Variants in LAMC3 observed in about 807,000 individuals in gnomAD.
LAMC3 encodes the protein laminin subunit gamma 3.
A neutral mutation model predicts 173.8 loss-of-function variants in LAMC3; 128 were observed. The observed-to-expected ratio is 0.74, with a 90% CI of 0.64 to 0.85. The LOEUF (loss-of-function observed/expected upper bound fraction) is 0.85, where lower values mean the gene tolerates loss of function less well. Among genes scored for constraint, LAMC3 ranks in the 40% least tolerant of loss-of-function variants. The probability of loss-of-function intolerance (pLI) is 0.00; values close to 1 mark genes in which losing one functional copy is unlikely to be tolerated. For missense variants in LAMC3, 2,022 were observed against 2,156.0 expected (o/e 0.94, Z 1.23); for synonymous variants, 897 against 909.1 (o/e 0.99, Z 0.24).
intron 1 of LAMC3, among the ~76,000 whole-genome samples, chr9:131,017,071 G>A (rs1833533777): frequency 6.6e-6 from 1 of 152,196 alleles, no homozygotes; most frequent in African/African-American, 2.4e-5. Context: ...GTCCGGATCT[G>A]GGGGCGGCCT....
chr9:131,032,590 T>TGC (rs797015714), intron 3 of LAMC3, among the ~76,000 whole-genome samples: 36 of 77,498 alleles, frequency 4.6e-4, no homozygotes, highest in East Asian at 1.3e-3. Flanking sequence ...CTTGCTCTCT[T>TGC]TCTCACTCGC....
rs80273722 is a variant in LAMC3 at position 131,073,098 on chromosome 9, G to A, written c.3418-147G>A. 6,352 of 738,652 alleles carry A rather than the reference G, an allele frequency of 8.6e-3. 209 individuals carry two copies. Among genetic ancestry groups the A allele is most frequent in the East Asian group, 0.086 (3,255 of 38,038 alleles). 45.8% of individuals were successfully genotyped at this position (738,652 alleles called of 1,614,324 possible). On this transcript the variant is annotated intron_variant, in intron 19 of 27. Coordinates refer to ENST00000361069, the MANE Select transcript of LAMC3 (RefSeq NM_006059.4). ...TGGTGTTTCTGCATCCTAGGACTCC[G>A]CTCACTGAATGCCGATGTTGTGGCC... is the stretch of plus-strand genomic sequence containing the variant.
At chr9:131,084,660 G>A (rs999389895) in intron 24 of LAMC3, among the ~76,000 whole-genome samples, 11 of 152,084 alleles carry the variant, frequency 7.2e-5, no homozygotes, top group Non-Finnish European at 1.5e-4. Context: ...ACTTTGGGAA[G>A]CCAAGGTGGG....
chr9:131,033,032 T>C (rs974041522), intron 3 of LAMC3, among the ~76,000 whole-genome samples: 1 of 151,232 alleles, frequency 6.6e-6, no homozygotes, highest in East Asian at 1.9e-4. Context: ...GTGGTCCTGG[T>C]CCTGGTCCTG....
chr9:131,060,838 A>G (rs1368607014), intron 12 of LAMC3, among the ~76,000 whole-genome samples, 197 bp from the exon 13 acceptor site: 2 of 152,136 alleles, frequency 1.3e-5, no homozygotes, highest in African/African-American at 4.8e-5. Context: ...AGCTTTGCAC[A>G]GGCAGTAAGT....
In LAMC3 at chr9:131,056,992, C is replaced by A. The variant is rs781470104; in HGVS notation, c.2003C>A (p.Ser668Tyr). Residue 668 changes from serine (S) to tyrosine (Y), a missense_variant, in exon 12 of 28, where the codon TCC becomes TAC. Transcript: ENST00000361069. Reference sequence around the variant, plus strand: ...CGGCCAGGGCTTTCCCCGCCAGCCTCCTGGGTGGAGATTTGTTCATGTCCC... The same window carrying A: ...CGGCCAGGGCTTTCCCCGCCAGCCTACTGGGTGGAGATTTGTTCATGTCCC... The part of the protein sequence containing the change: ...SARPGLSPPA[S>Y]WVEICSCPTG... 5.6e-5 allele frequency: 90 copies of A among 1,613,994 alleles called. No individual in the cohort carries two copies. The highest frequency in any genetic ancestry group is 6.9e-5 in the Non-Finnish European group (82 of 1,180,034).
chr9:131,087,188 T>G (rs1830346212), intron 25 of LAMC3, among the ~76,000 whole-genome samples: 1 of 152,256 alleles, frequency 6.6e-6, no homozygotes, highest in South Asian at 2.1e-4. Flanking sequence ...GGGCTTGATC[T>G]CTTGTCATGC....
At chr9:131,035,563 G>A (rs1833927994) in intron 3 of LAMC3, among the ~76,000 whole-genome samples, 1 of 152,180 alleles carries the variant, frequency 6.6e-6, no homozygotes. Context: ...GCTCCCACCA[G>A]GCCCCACCTC....
chr9:131,087,641 C>G lies in LAMC3; in HGVS notation c.4377+19C>G. ...TGAGCGGGTACGTTTGCCAGGGCCC[C>G]TACCCTATCGCCTCCTGCCCCTGGC... On this transcript the variant is annotated intron_variant, in intron 26 of 27. Coordinates refer to ENST00000361069, the MANE Select transcript of LAMC3 (RefSeq NM_006059.4). 6.2e-7 allele frequency: 1 copy of G among 1,613,800 alleles called. No homozygotes were observed.
rs774738544 is a variant in LAMC3, at chr9:131,077,324, C to G, written c.3767C>G (p.Pro1256Arg). 2.5e-6 allele frequency: 4 copies of G among 1,613,684 alleles called. No homozygotes were observed. The highest frequency in any genetic ancestry group is 3.4e-6 in the Non-Finnish European group (4 of 1,180,030). ...TAPYLALLAS[P>R]GALPQKSRAE... ...CCGTACCTGGCCTTGCTGGCTTCCC[C>G]GGGAGCTCTGGTCAGCTCAGTTGTC... The change falls in exon 22 of 28, where the codon CCG (proline) becomes CGG (arginine). Residue 1256 changes from proline (P) to arginine (R), a missense_variant. Transcript: ENST00000361069.
At chr9:131,067,583 C>A (rs1476261943) in intron 14 of LAMC3, among the ~76,000 whole-genome samples, 1 of 152,110 alleles carries the variant, frequency 6.6e-6, no homozygotes, top group Non-Finnish European at 1.5e-5. Flanking sequence ...CTCCCAGAGC[C>A]CTGCAGGAGG....
At chr9:131,080,601 A>G (rs997008117) in intron 23 of LAMC3, among the ~76,000 whole-genome samples, 6 of 152,098 alleles carry the variant, frequency 3.9e-5, no homozygotes, top group African/African-American at 1.4e-4. Context: ...TTTTAAAGAC[A>G]GGATAAGGGG....
Position 131,052,597 on chromosome 9 carries a change from G to A in LAMC3, c.1737G>A (p.Gly579=). The change falls in exon 10 of 28, where the codon GGG becomes GGA. Residue 579 remains glycine (G), a synonymous_variant. Transcript: ENST00000361069. The part of the protein sequence containing the change: ...SPLPVQLRLE[G]TGLALSLRHS... ...TCCCTGTACAGCTGAGGCTGGAAGG[G>A]ACAGGCTTGGCCCTGTCCCTGAGGC... 1 of 1,614,068 alleles carries A rather than the reference G, an allele frequency of 6.2e-7. No individual in the cohort carries two copies. The highest frequency in any genetic ancestry group is 8.5e-7 in the Non-Finnish European group (1 of 1,179,984).
At chr9:131,017,523 G>A (rs1229190676) in intron 1 of LAMC3, among the ~76,000 whole-genome samples, 1 of 150,984 alleles carries the variant, frequency 6.6e-6, no homozygotes, top group Admixed American at 6.6e-5. Context: ...TCATGAGTTC[G>A]AGACCAGCCT....
At position 131,038,932 on chromosome 9, in the gene LAMC3, G is replaced by A. The variant is rs770983087; in HGVS notation, c.1045G>A (p.Gly349Ser). The change falls in exon 5 of 28, where the codon GGC (glycine) becomes AGC (serine). Residue 349 changes from glycine (G) to serine (S), a missense_variant. Coordinates refer to ENST00000361069, the MANE Select transcript of LAMC3 (RefSeq NM_006059.4). ...GGAGCTCTTCCGCAGCACAGGCCAC[G>A]GCGGGCGCTGTCACCACTGCCGTGA... ...DRELFRSTGH[G>S]GRCHHCRDHT... is the part of the protein sequence containing the mutation. 1.5e-5 allele frequency: 25 copies of A among 1,613,190 alleles called. No individual in the cohort carries two copies. The highest frequency in any genetic ancestry group is 2.2e-5 in the East Asian group (1 of 44,876).
chr9:131,025,571 A>T (rs1282332281), intron 1 of LAMC3, among the ~76,000 whole-genome samples: 1 of 152,042 alleles, frequency 6.6e-6, no homozygotes, highest in Non-Finnish European at 1.5e-5. Context: ...AAGGCAGGCA[A>T]AGGAGAGGAG....
intron 20 of LAMC3, among the ~76,000 whole-genome samples, chr9:131,075,562 C>CAAA (rs35509603): frequency 4.9e-5 from 5 of 102,614 alleles, no homozygotes; most frequent in Non-Finnish European, 3.9e-5. Context: ...GACTCTGTCT[C>CAAA]AAAAAAAAAA....
At chr9:131,064,167 C>T (rs1312957701) in intron 13 of LAMC3, among the ~76,000 whole-genome samples, 1 of 152,132 alleles carries the variant, frequency 6.6e-6, no homozygotes, top group African/African-American at 2.4e-5. Flanking sequence ...CTCAGCCTCC[C>T]AAAGTGCTGT....
intron 2 of LAMC3, among the ~76,000 whole-genome samples, chr9:131,031,216 G>T (rs1188125832): frequency 6.6e-6 from 1 of 152,260 alleles, no homozygotes; most frequent in Admixed American, 6.5e-5. Flanking sequence ...GGGCTCCTGG[G>T]CGGAATCAAA....
Sources: allele counts gnomAD v4.1 joint callset (sites outside exome capture counted in the v4.1 genomes callset), GRCh38; gene constraint gnomAD v4.1.1; transcripts MANE v1.5; gene names NCBI Gene and HGNC (gene_info 2026-07-23, HGNC 2026-07-21).